Variants in ADH1A observed in about 807,000 individuals in gnomAD.
The protein encoded by ADH1A is alcohol dehydrogenase 1A (class I), alpha polypeptide.
A neutral mutation model predicts 35.2 loss-of-function variants in ADH1A; 29 were observed. The observed-to-expected ratio is 0.82, with a 90% CI of 0.61 to 1.12. The LOEUF is 1.12. Ranked by LOEUF, ADH1A falls within the 50% of genes most tolerant of loss-of-function variation. ADH1A has a pLI of 0.00. For missense variants in ADH1A, 469 were observed against 464.7 expected, an observed-to-expected ratio of 1.01 and a Z score of -0.09; for synonymous variants, 147 against 164.8, an observed-to-expected ratio of 0.89 and a Z score of 0.83.
At position 99,290,945 on chromosome 4, in the gene ADH1A, A is replaced by G. The variant is rs1470934296; in HGVS notation, c.-31T>C. On this transcript the variant is annotated 5_prime_UTR_variant, in exon 1 of 9. Coordinates refer to ENST00000209668, the MANE Select transcript of ADH1A (RefSeq NM_000667.4). The stretch of plus-strand genomic sequence containing the variant: ...TTCTGTCTTCTCTGCAGACCAGGAG[A>G]CTGGTGAGTCCTTGTGGATTTCTTC... 6.2e-7 allele frequency: 1 copy of G among 1,613,270 alleles called. No individual in the cohort carries two copies.
intron 7 of ADH1A, 143 bp from the exon 8 acceptor site, chr4:99,279,707 C>G: frequency 2.0e-6 from 2 of 1,014,864 alleles, no homozygotes; most frequent in Admixed American, 5.1e-5. Flanking sequence ...TACAGTACCT[C>G]AATAAGCTTT....
chr4:99,280,166 G>C lies in ADH1A; in HGVS notation c.942C>G (p.Thr314=). The C allele has an allele frequency of 6.2e-7, 1 of 1,613,820 alleles. No individual in the cohort carries two copies. The highest frequency in any genetic ancestry group is 8.5e-7 in the Non-Finnish European group (1 of 1,179,820). Residue 314 remains threonine, a synonymous_variant, in exon 7 of 9, where the codon ACC becomes ACG. Transcript: ENST00000209668. ...TACCACCAAGAATAGCTCCCTTCCA[G>C]GTACGTCCAGTCAGTAGCAGCATAG... ...MNPMLLLTGR[T]WKGAILGGFK... is the part of the protein sequence containing the mutation.
chr4:99,276,511 T>A lies in ADH1A; in HGVS notation c.*113A>T. On this transcript the variant is annotated 3_prime_UTR_variant, in exon 9 of 9. Transcript: ENST00000209668. ...TCTTTGGAAAGCCCCCAAATGTAAT[T>A]TATTGATAAAATCTGTGATGAGCAG... is the stretch of plus-strand genomic sequence containing the variant. 1 of 958,404 alleles carries A rather than the reference T, an allele frequency of 1.0e-6. No individual in the cohort carries two copies. The highest frequency in any genetic ancestry group is 1.6e-6 in the Non-Finnish European group (1 of 607,134). The allele number at this position is 958,404 out of a possible 1,614,324, so 59.4% of individuals were successfully genotyped here.
Position 99,287,655 on chromosome 4 carries a change from C to T in ADH1A, c.29G>A (p.Cys10Tyr). 1 of 1,613,912 alleles carries T rather than the reference C, an allele frequency of 6.2e-7. No individual in the cohort carries two copies. Among genetic ancestry groups the T allele is most frequent in the South Asian group, 1.1e-5 (1 of 91,068 alleles). Residue 10 changes from cysteine to tyrosine, a missense_variant, in exon 2 of 9, where the codon TGC becomes TAC. Cys to Tyr is a radical substitution (Grantham distance 194). Transcript: ENST00000209668. MSTAGKVIK[C>Y]KAAVLWELKK... ...TAACTCCCATAGCACAGCTGCTTTG[C>T]ATTTGATTACCTAGAAAAGCAAACA...
intron 3 of ADH1A, among the ~76,000 whole-genome samples, chr4:99,285,433 G>A (rs1416384751): frequency 6.6e-6 from 1 of 152,130 alleles, no homozygotes; most frequent in Non-Finnish European, 1.5e-5. Flanking sequence ...TTTAGGATAA[G>A]AACTGACTTT....
In ADH1A at chr4:99,286,837, G is replaced by A; in HGVS notation, c.259+13C>T. Reference sequence around the variant, plus strand: ...TGGTGAACCATCATGTTTCCTGAATGTGAATCCTGTACCTGGTTTGACTGT... The same window carrying A: ...TGGTGAACCATCATGTTTCCTGAATATGAATCCTGTACCTGGTTTGACTGT... On this transcript the variant is annotated intron_variant, in intron 3 of 8. Coordinates refer to ENST00000209668, the MANE Select transcript of ADH1A (RefSeq NM_000667.4). 1.2e-6 allele frequency: 2 copies of A among 1,612,842 alleles called. No individual in the cohort carries two copies. The highest frequency in any genetic ancestry group is 1.7e-6 in the Non-Finnish European group (2 of 1,179,472).
chr4:99,277,989 T>C (rs1325519867), intron 8 of ADH1A, among the ~76,000 whole-genome samples: 1 of 152,048 alleles, frequency 6.6e-6, no homozygotes, highest in Non-Finnish European at 1.5e-5. Context: ...AAAGGATGTA[T>C]CAATTACTAC....
chr4:99,279,351 ACC>A, intron 8 of ADH1A, 73 bp downstream of exon 8: 1 of 1,510,870 alleles, frequency 6.6e-7, no homozygotes, highest in East Asian at 2.3e-5. Flanking sequence ...TCATCCTTCC[ACC>A]TTTTCATTTT....
intron 7 of ADH1A, among the ~76,000 whole-genome samples, chr4:99,279,883 C>G (rs962107584): frequency 6.6e-6 from 1 of 152,092 alleles, no homozygotes; most frequent in African/African-American, 2.4e-5. Context: ...CTGTGTCTTA[C>G]TAGAAATTCC....
At position 99,290,904 on chromosome 4, in the gene ADH1A, G is replaced by A. The variant is rs757303365; in HGVS notation, c.11C>T (p.Ala4Val). Residue 4 changes from alanine (A) to valine (V), a missense_variant, in exon 1 of 9, where the codon GCA (alanine) becomes GTA (valine). Transcript: ENST00000209668. MST[A>V]GKVIKCKAAV... ...AATATATTTTTTGCTTACTTTTCCTGCTGTGCTCATGTTGATTCTGTCTTC... is the reference window on the plus strand; with the variant it reads ...AATATATTTTTTGCTTACTTTTCCTACTGTGCTCATGTTGATTCTGTCTTC... The A allele has an allele frequency of 1.2e-6, 2 of 1,613,768 alleles. No individual in the cohort carries two copies. The highest frequency in any genetic ancestry group is 2.2e-5 in the South Asian group (2 of 91,072).
At chr4:99,277,735 C>G (rs1028231147) in intron 8 of ADH1A, among the ~76,000 whole-genome samples, 2 of 151,966 alleles carry the variant, frequency 1.3e-5, no homozygotes, top group African/African-American at 4.8e-5. Context: ...AATGTCATTT[C>G]TTTTTGATGG....
At chr4:99,284,947 A>C (rs1367113656) in intron 3 of ADH1A, 144 bp from the exon 4 acceptor site, 29 of 785,674 alleles carry the variant, frequency 3.7e-5, no homozygotes, top group Non-Finnish European at 5.5e-5. Flanking sequence ...CAAATATGTC[A>C]TTTGTCATTG....
At chr4:99,287,088 G>GA in intron 2 of ADH1A, 100 bp from the exon 3 acceptor site, 1 of 1,451,750 alleles carries the variant, frequency 6.9e-7, no homozygotes, top group Non-Finnish European at 9.3e-7. Context: ...GTTTTCAAGG[G>GA]TTTTGCTAAT....
At chr4:99,288,963 C>T (rs28364298) in intron 1 of ADH1A, among the ~76,000 whole-genome samples, 4 of 152,006 alleles carry the variant, frequency 2.6e-5, no homozygotes, top group Non-Finnish European at 5.9e-5. Context: ...TATCCCTCAC[C>T]TCCCCTTTCA....
intron 6 of ADH1A, chr4:99,281,860 G>T (rs1202427094): frequency 1.6e-5 from 3 of 190,068 alleles, no homozygotes; most frequent in African/African-American, 2.4e-5. Flanking sequence ...TTTCCTTAGG[G>T]CATGTTTTTG....
At chr4:99,283,558 C>A (rs1409733703) in intron 5 of ADH1A, among the ~76,000 whole-genome samples, 1 of 152,106 alleles carries the variant, frequency 6.6e-6, no homozygotes, top group African/African-American at 2.4e-5. Flanking sequence ...TAGAAAAATA[C>A]AAGGCTTGTG....
intron 8 of ADH1A, among the ~76,000 whole-genome samples, chr4:99,278,162 A>G (rs1732912781): frequency 6.6e-6 from 1 of 152,060 alleles, no homozygotes; most frequent in Non-Finnish European, 1.5e-5. Context: ...ATGTTGCTCA[A>G]CACTATCTTC....
rs1732968946 is a variant in ADH1A, at chr4:99,280,286, T to A, written c.829-7A>T. On this transcript the variant is annotated splice_region_variant and splice_polypyrimidine_tract_variant and intron_variant, in intron 6 of 8. Transcript: ENST00000209668. Reference sequence around the variant, plus strand: ...AACATAACAGGGAAGCCATCTGGAATAAAGTGAACACTTAGCATTCTTAAC... The same window carrying A: ...AACATAACAGGGAAGCCATCTGGAAAAAAGTGAACACTTAGCATTCTTAAC... 1 of 1,613,010 alleles carries A rather than the reference T, an allele frequency of 6.2e-7. No individual in the cohort carries two copies.
intron 6 of ADH1A, 99 bp downstream of exon 6, chr4:99,282,247 A>C (rs1183454972): frequency 6.2e-7 from 1 of 1,609,120 alleles, no homozygotes; most frequent in South Asian, 1.1e-5. Flanking sequence ...TCCATTCATC[A>C]TTAAAAATAT....
Sources: gnomAD v4.1 joint callset for allele counts (sites outside exome capture counted in the v4.1 genomes callset) on GRCh38, gnomAD v4.1.1 for gene constraint, MANE v1.5 for transcripts, NCBI Gene and HGNC (gene_info 2026-07-23, HGNC 2026-07-21) for gene names.